Variants in SAMD12 observed in about 807,000 individuals in gnomAD.
The protein encoded by SAMD12 is sterile alpha motif domain containing 12.
In SAMD12, 9 loss-of-function variants were observed where a neutral mutation model predicts 15.0. That is an observed-to-expected ratio of 0.60 (90% confidence interval 0.36 to 1.05). The LOEUF (loss-of-function observed/expected upper bound fraction) is 1.05, where lower values mean the gene tolerates loss of function less well. Among genes scored for constraint, SAMD12 ranks in the 50% least tolerant of loss-of-function variants. The probability of loss-of-function intolerance (pLI) is 0.01; values close to 1 mark genes in which losing one functional copy is unlikely to be tolerated. For synonymous variants in SAMD12, 86 were observed against 90.1 expected (o/e 0.96, Z 0.25); for missense variants, 230 against 234.2 (o/e 0.98, Z 0.12).
At chr8:118,534,187 C>T (rs1180509077) in intron 2 of SAMD12, among the ~76,000 whole-genome samples, 1 of 152,084 alleles carries the variant, frequency 6.6e-6, no homozygotes, top group Non-Finnish European at 1.5e-5. Flanking sequence ...TATTTTATTT[C>T]TCCTTCACTT....
chr8:118,221,092 A>G (rs1812073646), intron 4 of SAMD12, among the ~76,000 whole-genome samples: 3 of 152,226 alleles, frequency 2.0e-5, no homozygotes, highest in Admixed American at 1.3e-4. Flanking sequence ...GAAATTAGAT[A>G]TTCATAGTGA....
intron 1 of SAMD12, among the ~76,000 whole-genome samples, chr8:118,610,588 C>T (rs1236822276): frequency 6.6e-6 from 1 of 152,144 alleles, no homozygotes; most frequent in Non-Finnish European, 1.5e-5. Context: ...AGAGAGTGGG[C>T]ATAAAGATCC....
the SAMD12 span, among the ~76,000 whole-genome samples, chr8:118,150,078 G>A: frequency 6.6e-6 from 1 of 152,166 alleles, no homozygotes; most frequent in Non-Finnish European, 1.5e-5. Context: ...TATAACAGAA[G>A]AGGTGCTACT....
chr8:118,403,222 A>T (rs761890638), intron 3 of SAMD12, among the ~76,000 whole-genome samples: 1 of 152,254 alleles, frequency 6.6e-6, no homozygotes, highest in Non-Finnish European at 1.5e-5. Context: ...CACTGTTGCA[A>T]CTGGGCTAAT....
At chr8:118,366,766 C>T (rs1033103090) in intron 4 of SAMD12, among the ~76,000 whole-genome samples, 17 of 150,632 alleles carry the variant, frequency 1.1e-4, no homozygotes, top group African/African-American at 3.7e-4. Context: ...GAACCCAGAT[C>T]GCGCCATTGC....
At chr8:118,550,531 C>A (rs910746023) in intron 2 of SAMD12, among the ~76,000 whole-genome samples, 13 of 152,220 alleles carry the variant, frequency 8.5e-5, no homozygotes, top group Non-Finnish European at 1.8e-4. Context: ...GAAGGAAGCA[C>A]TAAACATGGA....
At chr8:118,573,954 G>A (rs1383274131) in intron 2 of SAMD12, among the ~76,000 whole-genome samples, 3 of 152,314 alleles carry the variant, frequency 2.0e-5, no homozygotes, top group African/African-American at 7.2e-5. Context: ...TTTAAATTCT[G>A]TGGAGAGACA....
rs1335639074 is a variant in SAMD12, at chr8:118,200,345, A to T, written c.434-2613T>A. 3.4e-5 allele frequency among the ~76,000 whole-genome samples: 5 copies of T among 148,312 alleles called. No homozygotes were observed. The East Asian group carries it at 1.0e-3, about 30-fold the overall frequency. ...GCCTTTCCCATCCCATCTTCTGAGT[A>T]GGCTTCCGTGTTTATCCACAAGCCC... is the stretch of plus-strand genomic sequence containing the variant. On this transcript the variant is annotated intron_variant, in intron 4 of 4. Coordinates refer to the SAMD12 transcript ENST00000409003.
chr8:118,551,894 A>G (rs1236223763), intron 2 of SAMD12, among the ~76,000 whole-genome samples: 1 of 151,274 alleles, frequency 6.6e-6, no homozygotes, highest in African/African-American at 2.4e-5. Context: ...GAATACTACA[A>G]ATACGTCTAC....
intron 3 of SAMD12, among the ~76,000 whole-genome samples, chr8:118,437,263 G>A (rs1016093708): frequency 6.6e-6 from 1 of 152,204 alleles, no homozygotes; most frequent in Non-Finnish European, 1.5e-5. Context: ...GCAGGGGCCA[G>A]AGAACAGGGG....
At chr8:118,138,860 A>G in the SAMD12 span, among the ~76,000 whole-genome samples, 1 of 152,202 alleles carries the variant, frequency 6.6e-6, no homozygotes, top group African/African-American at 2.4e-5. Context: ...TTTTCACACC[A>G]GCTTTCTGGT....
chr8:118,187,961 T>G (rs1316316658), downstream of SAMD12, among the ~76,000 whole-genome samples: 1 of 151,794 alleles, frequency 6.6e-6, no homozygotes, highest in Non-Finnish European at 1.5e-5. Context: ...AATTATAATG[T>G]GCCAAGAGAT....
chr8:118,544,253 T>C (rs1259268050), intron 2 of SAMD12, among the ~76,000 whole-genome samples: 1 of 152,190 alleles, frequency 6.6e-6, no homozygotes, highest in Non-Finnish European at 1.5e-5. Flanking sequence ...ATAATTTAAG[T>C]GCAAAATAAT....
At chr8:118,427,696 AG>A (rs1822272822) in intron 3 of SAMD12, among the ~76,000 whole-genome samples, 1 of 152,336 alleles carries the variant, frequency 6.6e-6, no homozygotes, top group Non-Finnish European at 1.5e-5. Flanking sequence ...GACTGATATA[AG>A]GGTTGTTTAG....
At chr8:118,462,962 A>G (rs1280907816) in intron 2 of SAMD12, among the ~76,000 whole-genome samples, 1 of 151,814 alleles carries the variant, frequency 6.6e-6, no homozygotes, top group African/African-American at 2.4e-5. Context: ...TTAGCCGGGC[A>G]TGGTGGCGCG....
At chr8:118,431,619 G>A (rs896520828) in intron 3 of SAMD12, among the ~76,000 whole-genome samples, 2 of 151,274 alleles carry the variant, frequency 1.3e-5, no homozygotes, top group Non-Finnish European at 2.9e-5. Flanking sequence ...TCTTTTCTCT[G>A]GAACTAAGGT....
chr8:118,335,186 G>T (rs939493653), intron 4 of SAMD12, among the ~76,000 whole-genome samples: 11 of 152,144 alleles, frequency 7.2e-5, no homozygotes, highest in Admixed American at 1.3e-4. Context: ...TCTCTTAGGA[G>T]TACACATGCA....
chr8:118,258,484 C>T (rs1813004207), intron 4 of SAMD12, among the ~76,000 whole-genome samples: 1 of 152,048 alleles, frequency 6.6e-6, no homozygotes, highest in Non-Finnish European at 1.5e-5. Flanking sequence ...TACTATGTGC[C>T]TGGCACCATG....
At chr8:118,216,910 C>T (rs973167366) in intron 4 of SAMD12, among the ~76,000 whole-genome samples, 2 of 152,200 alleles carry the variant, frequency 1.3e-5, no homozygotes, top group Non-Finnish European at 2.9e-5. Context: ...GTGTGCATAA[C>T]ATGTTTCTGA....
Sources: gnomAD v4.1 joint callset for allele counts (sites outside exome capture counted in the v4.1 genomes callset) on GRCh38, gnomAD v4.1.1 for gene constraint, MANE v1.5 for transcripts, NCBI Gene and HGNC (gene_info 2026-07-23, HGNC 2026-07-21) for gene names.